SAMSN1: variants seen among roughly 807,000 people sequenced by gnomAD.
The protein encoded by SAMSN1 is SAM domain, SH3 domain and nuclear localization signals 1.
Under a neutral mutation model 42.0 loss-of-function variants are expected in SAMSN1, and 31 were observed. The observed-to-expected ratio is 0.74, with a 90% CI of 0.55 to 1.00. The LOEUF (loss-of-function observed/expected upper bound fraction) is 1.00, where lower values mean the gene tolerates loss of function less well. Among genes scored for constraint, SAMSN1 ranks in the 50% least tolerant of loss-of-function variants. The probability of loss-of-function intolerance (pLI) is 0.00; values close to 1 mark genes in which losing one functional copy is unlikely to be tolerated. For synonymous variants in SAMSN1, 178 were observed against 151.9 expected (o/e 1.17, Z -1.26); for missense variants, 464 against 439.4 (o/e 1.06, Z -0.50).
chr21:14,518,059 C>G (rs1244564071), intron 2 of SAMSN1, among the ~76,000 whole-genome samples: 1 of 152,198 alleles, frequency 6.6e-6, no homozygotes, highest in Non-Finnish European at 1.5e-5. Flanking sequence ...CATGCTAGCC[C>G]CCTTGCAGTT....
At chr21:14,546,590 A>G (rs73161265), upstream of SAMSN1, among the ~76,000 whole-genome samples, 122 of 152,242 alleles carry the variant, frequency 8.0e-4, no homozygotes, top group Middle Eastern at 0.014. Context: ...AAAATTTACA[A>G]TGCATTCCAT....
chr21:14,611,697 A>G (rs568121064), intron 4 of SAMSN1, among the ~76,000 whole-genome samples: 2 of 152,232 alleles, frequency 1.3e-5, no homozygotes, highest in African/African-American at 4.8e-5. Context: ...GAGTGACTGC[A>G]GGACCCTGAT....
intron 1 of SAMSN1, among the ~76,000 whole-genome samples, chr21:14,648,184 T>A (rs1983757521): frequency 6.6e-6 from 1 of 152,058 alleles, no homozygotes; most frequent in Non-Finnish European, 1.5e-5. Context: ...TTATTGAGAG[T>A]TTTTAGCATG....
At chr21:14,539,261 C>T (rs1440428636) in intron 1 of SAMSN1, among the ~76,000 whole-genome samples, 2 of 152,192 alleles carry the variant, frequency 1.3e-5, no homozygotes, top group African/African-American at 4.8e-5. Context: ...CTCACCACTC[C>T]TATTCAACAT....
intron 1 of SAMSN1, among the ~76,000 whole-genome samples, chr21:14,527,300 G>C (rs1279960775): frequency 6.6e-6 from 1 of 152,160 alleles, no homozygotes; most frequent in Non-Finnish European, 1.5e-5. Context: ...CGGGTACTCA[G>C]ATCTTTTGAA....
At chr21:14,538,502 G>A (rs1979782113) in intron 1 of SAMSN1, among the ~76,000 whole-genome samples, 1 of 152,248 alleles carries the variant, frequency 6.6e-6, no homozygotes, top group African/African-American at 2.4e-5. Context: ...ATGGACATGA[G>A]CACCTTGGAC....
intron 4 of SAMSN1, among the ~76,000 whole-genome samples, chr21:14,611,120 A>T (rs139752512): frequency 3.3e-5 from 5 of 151,354 alleles, no homozygotes; most frequent in African/African-American, 9.7e-5. Flanking sequence ...AGACAGGGTC[A>T]TAGTCAATTG....
upstream of SAMSN1, among the ~76,000 whole-genome samples, chr21:14,585,141 G>C (rs1470857821): frequency 6.6e-6 from 1 of 152,102 alleles, no homozygotes; most frequent in East Asian, 1.9e-4. Flanking sequence ...CTTTCCAAAG[G>C]CCATGCTCTG....
intron 2 of SAMSN1, among the ~76,000 whole-genome samples, chr21:14,565,286 C>CAAAAAAA (rs71330076): frequency 9.1e-6 from 1 of 109,596 alleles, no homozygotes; most frequent in Non-Finnish European, 1.9e-5. Context: ...AGACTCTATC[C>CAAAAAAA]AAAAAAAAAA....
chr21:14,646,601 T>C (rs911170423), intron 1 of SAMSN1, among the ~76,000 whole-genome samples: 1 of 152,150 alleles, frequency 6.6e-6, no homozygotes, highest in South Asian at 2.1e-4. Flanking sequence ...TAATAGTAAG[T>C]ACACAGACAT....
At chr21:14,613,173 C>T (rs761631162) in intron 3 of SAMSN1, among the ~76,000 whole-genome samples, 2 of 151,996 alleles carry the variant, frequency 1.3e-5, no homozygotes, top group East Asian at 3.8e-4. Context: ...AGTCTTTTTA[C>T]GTGAAGGTAT....
intron 2 of SAMSN1, among the ~76,000 whole-genome samples, chr21:14,622,011 C>G (rs183539723): frequency 1.0e-3 from 158 of 152,328 alleles, no homozygotes; most frequent in African/African-American, 3.4e-3. Context: ...CCCAGGCAAA[C>G]AGGGTCTGGA....
intron 2 of SAMSN1, among the ~76,000 whole-genome samples, chr21:14,641,434 A>C (rs1983595460): frequency 6.6e-6 from 1 of 152,140 alleles, no homozygotes; most frequent in African/African-American, 2.4e-5. Context: ...TAAGCGCAAA[A>C]CTTAAAAGTA....
At position 14,603,347 on chromosome 21, in the gene SAMSN1, T is replaced by C. The variant is rs1982485303; in HGVS notation, c.323-1248A>G. On this transcript the variant is annotated intron_variant, in intron 5 of 15. Coordinates refer to the SAMSN1 transcript ENST00000647101. ...TCAAGCTGAGAAAATAAGATACGAA[T>C]ATGTGCAATGCACTTTCATAACAAC... 2.6e-5 allele frequency among the ~76,000 whole-genome samples: 4 copies of C among 152,314 alleles called. No homozygotes were observed. The South Asian group carries it at 6.2e-4, about 24-fold the overall frequency.
chr21:14,488,722 T>C (rs1986548035), intron 7 of SAMSN1, among the ~76,000 whole-genome samples: 1 of 152,210 alleles, frequency 6.6e-6, no homozygotes, highest in Non-Finnish European at 1.5e-5. Flanking sequence ...GCAATTTTTA[T>C]GGAAAAAGAA....
chr21:14,530,133 G>A (rs558154635), intron 1 of SAMSN1, among the ~76,000 whole-genome samples: 10 of 152,132 alleles, frequency 6.6e-5, no homozygotes, highest in Admixed American at 2.0e-4. Flanking sequence ...TGGCTAATAC[G>A]GTGAAACCCC....
chr21:14,642,025 A>T (rs1371223314), intron 2 of SAMSN1, among the ~76,000 whole-genome samples: 1 of 152,224 alleles, frequency 6.6e-6, no homozygotes, highest in African/African-American at 2.4e-5. Context: ...GTTAATAAGA[A>T]CATGAGCAAG....
chr21:14,519,738 G>A (rs1244342929), intron 2 of SAMSN1, among the ~76,000 whole-genome samples: 2 of 151,956 alleles, frequency 1.3e-5, no homozygotes, highest in African/African-American at 4.8e-5. Context: ...AAAACCTATT[G>A]ATCTAAAAAC....
upstream of SAMSN1, among the ~76,000 whole-genome samples, chr21:14,584,770 A>G (rs771912772): frequency 6.6e-5 from 10 of 152,232 alleles, no homozygotes; most frequent in Non-Finnish European, 1.5e-4. Flanking sequence ...TGCAGTTTTC[A>G]AGAGGTGAAT....
Sources: allele counts gnomAD v4.1 joint callset (sites outside exome capture counted in the v4.1 genomes callset), GRCh38; gene constraint gnomAD v4.1.1; transcripts MANE v1.5; gene names NCBI Gene and HGNC (gene_info 2026-07-23, HGNC 2026-07-21).